The following CIITA variants were observed in gnomAD, a reference collection of about 807,000 sequenced individuals.
CIITA encodes MHC class II transactivator.
CIITA carries 72 observed loss-of-function variants against 115.1 expected under a neutral mutation model. That is an observed-to-expected ratio of 0.63 (90% confidence interval 0.52 to 0.76). The LOEUF (loss-of-function observed/expected upper bound fraction) is 0.76, where lower values mean the gene tolerates loss of function less well. CIITA is among the 30% of genes least tolerant of loss of function. The pLI is 0.00. For missense variants in CIITA, 1,617 were observed against 1,463.8 expected (o/e 1.10, Z -1.71); for synonymous variants, 763 against 635.6 (o/e 1.20, Z -3.02).
chr16:10,906,871 G>A lies in CIITA; in HGVS notation c.1379G>A (p.Gly460Glu), dbSNP rs767767164. Reference sequence around the variant, plus strand: ...CCCTGCCATTGCTTGAACCGTCCGGGGGATGCCTATGGCCTGCAGGATCTG... The same window carrying A: ...CCCTGCCATTGCTTGAACCGTCCGGAGGATGCCTATGGCCTGCAGGATCTG... ...SVPCHCLNRP[G>E]DAYGLQDLLF... Residue 460 changes from glycine (G) to glutamate (E), a missense_variant, in exon 11 of 20, where the codon GGG becomes GAG. Coordinates refer to ENST00000324288, the MANE Select transcript of CIITA (RefSeq NM_000246.4). The A allele has an allele frequency of 3.1e-6, 5 of 1,613,420 alleles. No individual in the cohort carries two copies. The highest frequency in any genetic ancestry group is 4.2e-6 in the Non-Finnish European group (5 of 1,180,044).
intron 13 of CIITA, among the ~76,000 whole-genome samples, chr16:10,913,272 C>CTGTT (rs2039704953): frequency 4.0e-5 from 3 of 74,710 alleles, no homozygotes; most frequent in Admixed American, 3.2e-4. Flanking sequence ...CTTTCTTTCC[C>CTGTT]TCCTTTCTTT....
rs1160208749 is a variant in CIITA at position 10,926,960 on chromosome 16, A to G, written c.*3105A>G. 2.6e-5 allele frequency: 4 copies of G among 152,278 alleles called. No individual in the cohort carries two copies. The highest frequency in any genetic ancestry group is 6.5e-5 in the Admixed American group (1 of 15,280). 9.4% of individuals were successfully genotyped at this position (152,278 alleles called of 1,614,324 possible). A position where few individuals can be genotyped will look rare whatever the true frequency, so the allele number is the denominator to read the frequency against. ...GCTAAACTCCTACTCAAGAGGGATA[A>G]GAGTCTAGGGGCAAGTGGCAGAGAC... On this transcript the variant is annotated 3_prime_UTR_variant, in exon 20 of 20. Coordinates refer to ENST00000324288, the MANE Select transcript of CIITA (RefSeq NM_000246.4).
At chr16:10,896,842 C>T (rs2038179166) in intron 3 of CIITA, among the ~76,000 whole-genome samples, 1 of 152,228 alleles carries the variant, frequency 6.6e-6, no homozygotes, top group African/African-American at 2.4e-5. Context: ...TATTGAAAAT[C>T]ATACCAAGGA....
At position 10,918,503 on chromosome 16, in the gene CIITA, C is replaced by T. The variant is rs1252086269; in HGVS notation, c.3126C>T (p.Leu1042=). Residue 1042 remains leucine, a synonymous_variant, in exon 16 of 20, where the codon CTC becomes CTT. Transcript: ENST00000324288. ...AACTCGCCGAGGCCCTGCCTTCGCT[C>T]GCTGCATCCCTGCTCAGGCTAAGGT... ...AYKLAEALPS[L]AASLLRLSLY... is the part of the protein sequence containing the mutation. The T allele has an allele frequency of 3.7e-6, 6 of 1,614,008 alleles. No homozygotes were observed. Among genetic ancestry groups the T allele is most frequent in the East Asian group, 2.2e-5 (1 of 44,900 alleles).
At chr16:10,912,014 C>G (rs923128445) in intron 13 of CIITA, among the ~76,000 whole-genome samples, 17 of 152,230 alleles carry the variant, frequency 1.1e-4, no homozygotes, top group African/African-American at 4.1e-4. Context: ...CAGCCTGGCC[C>G]TAAGCTCCTT....
upstream of CIITA, among the ~76,000 whole-genome samples, chr16:10,873,093 C>T (rs2035594334): frequency 6.6e-6 from 1 of 152,230 alleles, no homozygotes; most frequent in Non-Finnish European, 1.5e-5. Context: ...CCATCTCAGC[C>T]TCCCAAGTAG....
chr16:10,875,234 C>T (rs144247399), upstream of CIITA, among the ~76,000 whole-genome samples: 493 of 152,334 alleles, frequency 3.2e-3, 3 homozygotes, highest in African/African-American at 0.011. Flanking sequence ...ACTAGGATTA[C>T]AGGCATGAGC....
chr16:10,866,659 T>A (rs2035088912), intron 1 of CIITA: 1 of 393,184 alleles, frequency 2.5e-6, no homozygotes, highest in East Asian at 5.3e-5. Flanking sequence ...GGGAAGTCAA[T>A]GGGAAGGCAG....
intron 1 of CIITA, among the ~76,000 whole-genome samples, chr16:10,887,939 G>A (rs72770022): frequency 0.018 from 2,769 of 152,238 alleles, 27 homozygotes; most frequent in Non-Finnish European, 0.029. Flanking sequence ...CTAATGAACT[G>A]GACGTAATCT....
intron 16 of CIITA, 53 bp downstream of exon 16, chr16:10,918,579 G>T: frequency 2.0e-6 from 3 of 1,508,572 alleles, no homozygotes; most frequent in South Asian, 1.1e-5. Context: ...GCTGCAGAGC[G>T]CAGGGAACCC....
Position 10,923,108 on chromosome 16 carries a change from G to A in CIITA, c.3318-120G>A, listed in dbSNP as rs1184260635. 4 of 865,434 alleles carry A rather than the reference G, an allele frequency of 4.6e-6. No individual in the cohort carries two copies. The African/African-American group carries it at 6.6e-5, about 14-fold the overall frequency. The allele number at this position is 865,434 out of a possible 1,614,324, so 53.6% of individuals were successfully genotyped here. ...ACCCACACCGGTCGGTATCTTGCCA[G>A]GGGAAAAGTCCCCAACGTTCTAGGC... On this transcript the variant is annotated intron_variant, in intron 18 of 19. Coordinates refer to ENST00000324288, the MANE Select transcript of CIITA (RefSeq NM_000246.4). The surrounding 1 kb of genome is among the most constrained non-coding windows in gnomAD (Gnocchi z 5.2).
Position 10,902,118 on chromosome 16 carries a change from C to T in CIITA, c.562C>T (p.Pro188Ser), listed in dbSNP as rs748225955. 6.2e-7 allele frequency: 1 copy of T among 1,614,188 alleles called. No homozygotes were observed. The highest frequency in any genetic ancestry group is 8.5e-7 in the Non-Finnish European group (1 of 1,180,030). ...CTCCACCCTGCCCTGCCTGCCACTG[C>T]CTGCGCTGTTCAACCAGGAGCCAGC... ...DCSTLPCLPL[P>S]ALFNQEPASG... Residue 188 changes from proline (P) to serine (S), a missense_variant, in exon 7 of 20, where the codon CCT becomes TCT. Pro to Ser is a moderately conservative substitution (Grantham distance 74). Transcript: ENST00000324288.
At chr16:10,887,466 G>GT (rs2037071089) in intron 1 of CIITA, among the ~76,000 whole-genome samples, 1 of 151,662 alleles carries the variant, frequency 6.6e-6, no homozygotes, top group Admixed American at 6.6e-5. Context: ...GAAGTTCATG[G>GT]TCAAGAGTAG....
At position 10,934,085 on chromosome 16, in the gene CIITA, T is replaced by C; in HGVS notation, c.*10230T>C. ...GGATTTGCACGTTGGCTGCCAAAGC[T>C]GATCAGCAGCGGGCTTTGTGAAGAT... On this transcript the variant is annotated 3_prime_UTR_variant, in exon 20 of 20. Transcript: ENST00000324288. This position sits in a 1 kb window ranked among gnomAD's most constrained non-coding sequence, Gnocchi z 4.2. 1 of 152,242 alleles carries C rather than the reference T, an allele frequency of 6.6e-6. No homozygotes were observed. Among genetic ancestry groups the C allele is most frequent in the East Asian group, 1.9e-4 (1 of 5,200 alleles). 9.4% of individuals were successfully genotyped at this position (152,242 alleles called of 1,614,324 possible).
At chr16:10,882,448 G>T (rs1055236279) in intron 1 of CIITA, among the ~76,000 whole-genome samples, 2 of 152,178 alleles carry the variant, frequency 1.3e-5, no homozygotes, top group African/African-American at 2.4e-5. Context: ...TAAGAAAGGG[G>T]CCTGGTGCAG....
chr16:10,905,294 G>A (rs1198131863), intron 10 of CIITA, among the ~76,000 whole-genome samples: 5 of 152,226 alleles, frequency 3.3e-5, no homozygotes, highest in Non-Finnish European at 7.3e-5. Flanking sequence ...GGCTACTGAG[G>A]CATGGTGGGA....
chr16:10,923,254 G>C lies in CIITA; in HGVS notation c.3344G>C (p.Ser1115Thr), dbSNP rs138790505. 5.0e-6 allele frequency: 8 copies of C among 1,613,612 alleles called. No homozygotes were observed. Among genetic ancestry groups the C allele is most frequent in the Non-Finnish European group, 6.8e-6 (8 of 1,180,010 alleles). Residue 1115 changes from serine to threonine, a missense_variant, in exon 19 of 20, where the codon AGT (serine) becomes ACT (threonine). Ser to Thr is a moderately conservative substitution (Grantham distance 58). Transcript: ENST00000324288. The surrounding 1 kb of genome is among the most constrained non-coding windows in gnomAD (Gnocchi z 5.2). Reference protein sequence around the residue: ...LAMWTPTIPFSVQEHLQQQDS... With the variant: ...LAMWTPTIPFTVQEHLQQQDS... ...ATGTGGACGCCCACCATCCCATTCA[G>C]TGTCCAGGAACACCTGCAACAACAG... is the stretch of plus-strand genomic sequence containing the variant.
At chr16:10,891,657 C>T (rs1004710033) in intron 1 of CIITA, among the ~76,000 whole-genome samples, 2 of 152,074 alleles carry the variant, frequency 1.3e-5, no homozygotes, top group Non-Finnish European at 2.9e-5. Context: ...GAATGGGAGG[C>T]GGGCATCAGG....
In CIITA at chr16:10,931,289, T is replaced by G. The variant is rs891837380; in HGVS notation, c.*7434T>G. ...ACTGTGCCCCTGCACCCAGCCTGGGTGACAGAGACCCTGTCTCAAAAAAAA... is the reference window on the plus strand; with the variant it reads ...ACTGTGCCCCTGCACCCAGCCTGGGGGACAGAGACCCTGTCTCAAAAAAAA... On this transcript the variant is annotated 3_prime_UTR_variant, in exon 20 of 20. Transcript: ENST00000324288. 2 of 152,666 alleles carry G rather than the reference T, an allele frequency of 1.3e-5. No individual in the cohort carries two copies. Among genetic ancestry groups the G allele is most frequent in the African/African-American group, 2.4e-5 (1 of 41,424 alleles). The allele number at this position is 152,666 out of a possible 1,614,324, so 9.5% of individuals were successfully genotyped here. A position where few individuals can be genotyped will look rare whatever the true frequency, so the allele number is the denominator to read the frequency against.
Sources: gnomAD v4.1 joint callset for allele counts (sites outside exome capture counted in the v4.1 genomes callset) on GRCh38, gnomAD v4.1.1 for gene constraint, Gnocchi (gnomAD v3.1) non-coding constraint, MANE v1.5 for transcripts, NCBI Gene and HGNC (gene_info 2026-07-23, HGNC 2026-07-21) for gene names.